The following NSD3 variants were observed in gnomAD, a reference collection of about 807,000 sequenced individuals.
NSD3 encodes nuclear receptor binding SET domain protein 3.
A neutral mutation model predicts 160.8 loss-of-function variants in NSD3; 24 were observed. The ratio of observed to expected loss-of-function variants is 0.15; its 90% CI spans 0.11 to 0.21. The LOEUF (loss-of-function observed/expected upper bound fraction) is 0.21. Ranked by LOEUF, NSD3 falls within the 10% of genes least tolerant of loss-of-function variation. The pLI is 1.00. For synonymous variants in NSD3, 520 were observed against 600.0 expected (o/e 0.87, Z 1.95); for missense variants, 1,157 against 1,735.9 (o/e 0.67, Z 5.93).
chr8:38,353,036 C>T (rs1282129728), intron 1 of NSD3, among the ~76,000 whole-genome samples: 4 of 152,130 alleles, frequency 2.6e-5, no homozygotes. Context: ...ACGTTTAATC[C>T]TCCCAACAAC....
At chr8:38,331,978 A>T (rs1412055575) in intron 4 of NSD3, among the ~76,000 whole-genome samples, 1 of 152,262 alleles carries the variant, frequency 6.6e-6, no homozygotes, top group African/African-American at 2.4e-5. Flanking sequence ...CCCAGGCCGG[A>T]CTGCAGTGGC....
intron 6 of NSD3, among the ~76,000 whole-genome samples, chr8:38,327,078 C>T (rs1370017790): frequency 1.3e-5 from 2 of 149,190 alleles, no homozygotes; most frequent in African/African-American, 4.9e-5. Context: ...GAGAAGAAGT[C>T]TCCCTCTGTC....
intron 4 of NSD3, among the ~76,000 whole-genome samples, chr8:38,332,015 A>T (rs1405698122): frequency 6.6e-6 from 1 of 152,152 alleles, no homozygotes; most frequent in Non-Finnish European, 1.5e-5. Flanking sequence ...GCAGCCTCAA[A>T]CTCCTGGGCT....
chr8:38,317,259 TC>T lies in NSD3; in HGVS notation c.1856-1218del. On this transcript the variant is annotated intron_variant, in intron 9 of 23. Coordinates refer to ENST00000317025, the MANE Select transcript of NSD3 (RefSeq NM_023034.2). This position sits in a 1 kb window ranked among gnomAD's most constrained non-coding sequence, Gnocchi z 5.3. ...TTCTACAAGTTTTTCACTGAATGTT[TC>T]CTGACATCTATAAATGAGGGTGCCT... The T allele has an allele frequency of 1.9e-6, 2 of 1,061,336 alleles. No homozygotes were observed. The highest frequency in any genetic ancestry group is 2.3e-6 in the Non-Finnish European group (2 of 876,638). 65.7% of individuals were successfully genotyped at this position (1,061,336 alleles called of 1,614,324 possible).
At chr8:38,311,660 C>T (rs1047453452) in intron 12 of NSD3, among the ~76,000 whole-genome samples, 11 of 151,844 alleles carry the variant, frequency 7.2e-5, no homozygotes, top group East Asian at 3.9e-4. Flanking sequence ...GAGTTGAAGG[C>T]GTTCTCTATA....
chr8:38,367,836 T>C (rs1051113188), intron 1 of NSD3, among the ~76,000 whole-genome samples: 3 of 152,182 alleles, frequency 2.0e-5, no homozygotes, highest in African/African-American at 4.8e-5. Flanking sequence ...GTTAGTGACA[T>C]AGATAGGATT....
chr8:38,366,743 A>G (rs989526482), intron 1 of NSD3, among the ~76,000 whole-genome samples: 1 of 152,138 alleles, frequency 6.6e-6, no homozygotes, highest in African/African-American at 2.4e-5. Context: ...CTTCACTAAG[A>G]ATAGCTAATT....
At chr8:38,380,746 T>A (rs146539438) in intron 1 of NSD3, 2 of 152,142 alleles carry the variant, frequency 1.3e-5, no homozygotes, top group African/African-American at 4.8e-5. Flanking sequence ...AAAGAGTTCA[T>A]GAATAGAAAG....
At chr8:38,342,087 A>C (rs975487440) in intron 2 of NSD3, among the ~76,000 whole-genome samples, 15 of 151,958 alleles carry the variant, frequency 9.9e-5, no homozygotes, top group African/African-American at 3.6e-4. Context: ...TCAAAGAATT[A>C]AAGTTTTTTA....
chr8:38,321,279 G>C lies in NSD3; in HGVS notation c.1709-107C>G. On this transcript the variant is annotated intron_variant, in intron 7 of 23. Coordinates refer to ENST00000317025, the MANE Select transcript of NSD3 (RefSeq NM_023034.2). The surrounding 1 kb of genome is among the most constrained non-coding windows in gnomAD (Gnocchi z 4.7). ...CTTGCTTTTCTTACCCATTACTTTT[G>C]GAATTTTAATTAAAATCATTAAAAA... The C allele has an allele frequency of 1.2e-6, 1 of 816,606 alleles. No individual in the cohort carries two copies. Among genetic ancestry groups the C allele is most frequent in the Non-Finnish European group, 1.9e-6 (1 of 538,626 alleles). The allele number at this position is 816,606 out of a possible 1,614,324, so 50.6% of individuals were successfully genotyped here.
At chr8:38,299,155 A>G (rs1482502615) in intron 15 of NSD3, among the ~76,000 whole-genome samples, 1 of 152,246 alleles carries the variant, frequency 6.6e-6, no homozygotes, top group African/African-American at 2.4e-5. Flanking sequence ...ATATGATTCT[A>G]TATTTATACT....
intron 16 of NSD3, among the ~76,000 whole-genome samples, chr8:38,293,443 G>A (rs1160560542): frequency 1.3e-5 from 2 of 151,422 alleles, no homozygotes; most frequent in African/African-American, 2.4e-5. Context: ...CCAGCTACTC[G>A]GGGGGCTGAG....
chr8:38,278,128 TG>T (rs1203833552), intron 22 of NSD3, among the ~76,000 whole-genome samples, 177 bp downstream of exon 22: 3 of 151,950 alleles, frequency 2.0e-5, no homozygotes, highest in Admixed American at 6.6e-5. Flanking sequence ...TTAGTAGAGA[TG>T]GGGTTTCACC....
intron 1 of NSD3, among the ~76,000 whole-genome samples, chr8:38,362,034 G>A (rs1305308849): frequency 6.6e-6 from 1 of 151,758 alleles, no homozygotes; most frequent in African/African-American, 2.4e-5. Flanking sequence ...TTTTAGAAGG[G>A]CTTTTCTTCA....
At chr8:38,342,533 T>C (rs1377775650) in intron 2 of NSD3, among the ~76,000 whole-genome samples, 4 of 152,088 alleles carry the variant, frequency 2.6e-5, no homozygotes, top group African/African-American at 4.8e-5. Flanking sequence ...CTAAAATAAA[T>C]TACATTATCC....
At chr8:38,376,067 C>G (rs761907300) in intron 1 of NSD3, among the ~76,000 whole-genome samples, 9 of 151,992 alleles carry the variant, frequency 5.9e-5, no homozygotes, top group Admixed American at 3.3e-4. Context: ...GGATTTTTAG[C>G]TCACTTTAAA....
chr8:38,364,137 C>T (rs1468656428), intron 1 of NSD3, among the ~76,000 whole-genome samples: 4 of 152,016 alleles, frequency 2.6e-5, no homozygotes, highest in Admixed American at 2.6e-4. Flanking sequence ...ATTAGCCAGG[C>T]ATGGTGATGC....
At chr8:38,336,528 T>G (rs1483853450) in intron 4 of NSD3, among the ~76,000 whole-genome samples, 1 of 152,076 alleles carries the variant, frequency 6.6e-6, no homozygotes, top group East Asian at 1.9e-4. Context: ...AAAAAAAGCA[T>G]CCTGCAAAAT....
intron 1 of NSD3, among the ~76,000 whole-genome samples, chr8:38,377,030 C>T (rs1311800862): frequency 6.6e-6 from 1 of 152,070 alleles, no homozygotes; most frequent in Admixed American, 6.6e-5. Context: ...TCCATATGTA[C>T]TAATTTTTAT....
Sources: allele counts gnomAD v4.1 joint callset (sites outside exome capture counted in the v4.1 genomes callset), GRCh38; gene constraint gnomAD v4.1.1; non-coding constraint Gnocchi (gnomAD v3.1); transcripts MANE v1.5; gene names NCBI Gene and HGNC (gene_info 2026-07-23, HGNC 2026-07-21).